ABCB4: variants seen among roughly 807,000 people sequenced by gnomAD.
The protein encoded by ABCB4 is ATP binding cassette subfamily B member 4.
ABCB4 carries 76 observed loss-of-function variants against 145.7 expected under a neutral mutation model. That is an observed-to-expected ratio of 0.52 (90% CI 0.43 to 0.63). The LOEUF is 0.63. ABCB4 is among the 30% of genes least tolerant of loss of function. The pLI, the probability that ABCB4 is intolerant of heterozygous loss-of-function variation, is 0.00. For missense variants in ABCB4, 1,234 were observed against 1,553.1 expected, an observed-to-expected ratio of 0.79 and a Z score of 3.45; for synonymous variants, 517 against 566.8, an observed-to-expected ratio of 0.91 and a Z score of 1.25.
intron 26 of ABCB4, among the ~76,000 whole-genome samples, chr7:87,404,718 A>G (rs973095653): frequency 6.6e-6 from 1 of 152,246 alleles, no homozygotes; most frequent in Admixed American, 6.5e-5. Context: ...CAACATGGAG[A>G]CATTTCACCA....
At chr7:87,465,554 G>T (rs1445704256) in intron 3 of ABCB4, among the ~76,000 whole-genome samples, 1 of 152,128 alleles carries the variant, frequency 6.6e-6, no homozygotes, top group Non-Finnish European at 1.5e-5. Flanking sequence ...AGAGAGTAGT[G>T]GTTCTCCCAG....
the ABCB4 span, among the ~76,000 whole-genome samples, chr7:87,379,851 T>A: frequency 6.6e-6 from 1 of 152,148 alleles, no homozygotes; most frequent in African/African-American, 2.4e-5. Context: ...TGGGAGCTCA[T>A]GCCTATAATC....
chr7:87,426,030 A>G (rs1473926043), intron 16 of ABCB4, among the ~76,000 whole-genome samples: 1 of 152,158 alleles, frequency 6.6e-6, no homozygotes, highest in Non-Finnish European at 1.5e-5. Context: ...ATACAGCAAA[A>G]AAAAAAAATT....
At chr7:87,390,700 T>TC in the ABCB4 span, among the ~76,000 whole-genome samples, 1 of 152,192 alleles carries the variant, frequency 6.6e-6, no homozygotes, top group African/African-American at 2.4e-5. Flanking sequence ...AAAACAGATA[T>TC]CACCCTGGGG....
chr7:87,441,413 A>T (rs1810979018), intron 12 of ABCB4, among the ~76,000 whole-genome samples: 2 of 151,480 alleles, frequency 1.3e-5, no homozygotes, highest in South Asian at 2.1e-4. Context: ...ACATTTATAA[A>T]GTTGACCATT....
chr7:87,413,886 A>G (rs570956576), intron 21 of ABCB4, among the ~76,000 whole-genome samples, 169 bp from the exon 22 acceptor site: 3 of 152,370 alleles, frequency 2.0e-5, no homozygotes, highest in Admixed American at 6.5e-5. Flanking sequence ...GCTTTATGAC[A>G]AAACTGGTAC....
chr7:87,389,705 G>A, the ABCB4 span, among the ~76,000 whole-genome samples: 2 of 152,138 alleles, frequency 1.3e-5, no homozygotes, highest in African/African-American at 2.4e-5. Context: ...AAACCATCAT[G>A]GCACATGTAT....
chr7:87,376,933 A>G, the ABCB4 span, among the ~76,000 whole-genome samples: 1 of 152,158 alleles, frequency 6.6e-6, no homozygotes, highest in Admixed American at 6.5e-5. Context: ...TTAATAGGCC[A>G]AAGTATACAG....
intron 12 of ABCB4, among the ~76,000 whole-genome samples, chr7:87,442,707 A>T (rs1811068740): frequency 6.6e-6 from 1 of 152,150 alleles, no homozygotes; most frequent in Non-Finnish European, 1.5e-5. Context: ...GTCAAAATAT[A>T]AACAATCTAA....
chr7:87,407,201 T>C (rs1054302344), intron 25 of ABCB4, among the ~76,000 whole-genome samples: 1 of 152,176 alleles, frequency 6.6e-6, no homozygotes, highest in Non-Finnish European at 1.5e-5. Flanking sequence ...GGCAAAGGAA[T>C]AGACACAAGT....
chr7:87,443,281 A>G, intron 12 of ABCB4, 38 bp downstream of exon 12: 1 of 1,613,458 alleles, frequency 6.2e-7, no homozygotes, highest in Non-Finnish European at 8.5e-7. Flanking sequence ...ATTTGTATCC[A>G]GCTTCCCACT....
intron 4 of ABCB4, among the ~76,000 whole-genome samples, chr7:87,458,471 T>A (rs1275565168): frequency 6.6e-6 from 1 of 152,178 alleles, no homozygotes; most frequent in African/African-American, 2.4e-5. Flanking sequence ...AGTCTGGTTG[T>A]CCAAGCATCC....
intron 4 of ABCB4, among the ~76,000 whole-genome samples, chr7:87,460,909 AT>A (rs936951396): frequency 6.6e-6 from 1 of 151,634 alleles, no homozygotes; most frequent in Non-Finnish European, 1.5e-5. Flanking sequence ...AGATCTGTAG[AT>A]TTTCTAGGAA....
At chr7:87,370,477 C>T in the ABCB4 span, among the ~76,000 whole-genome samples, 1 of 152,136 alleles carries the variant, frequency 6.6e-6, no homozygotes, top group Admixed American at 6.5e-5. Flanking sequence ...GCCACCACAC[C>T]CAGCCAAATA....
At chr7:87,405,299 T>G (rs749821209) in intron 26 of ABCB4, among the ~76,000 whole-genome samples, 23 of 152,100 alleles carry the variant, frequency 1.5e-4, no homozygotes, top group Non-Finnish European at 3.1e-4. Context: ...AAATATAAAA[T>G]TATACAAACG....
At chr7:87,379,431 G>C in the ABCB4 span, among the ~76,000 whole-genome samples, 2 of 152,138 alleles carry the variant, frequency 1.3e-5, no homozygotes, top group African/African-American at 4.8e-5. Flanking sequence ...ATAAGAGTAA[G>C]TCAATCTCAT....
intron 10 of ABCB4, 140 bp downstream of exon 10, chr7:87,444,722 A>T (rs914908537): frequency 3.2e-5 from 20 of 625,678 alleles, no homozygotes; most frequent in Non-Finnish European, 8.4e-6. Context: ...CTAACAGGTC[A>T]TTCATTTCAT....
chr7:87,405,162 C>T (rs1808090908), intron 26 of ABCB4, among the ~76,000 whole-genome samples: 1 of 152,200 alleles, frequency 6.6e-6, no homozygotes, highest in South Asian at 2.1e-4. Context: ...TACATCCACA[C>T]TGTGGAATAT....
At position 87,475,452 on chromosome 7, in the gene ABCB4, G is replaced by T; in HGVS notation, c.14C>A (p.Ala5Glu). Residue 5 changes from alanine to glutamate, a missense_variant, in exon 2 of 28, where the codon GCG becomes GAG. Physicochemically the swap from Ala to Glu is moderately radical, Grantham distance 107. Coordinates refer to ENST00000649586, the MANE Select transcript of ABCB4 (RefSeq NM_000443.4). MDLE[A>E]AKNGTAWRPT... The stretch of plus-strand genomic sequence containing the variant: ...GCGCCAGGCTGTTCCGTTCTTTGCC[G>T]CCTCAAGATCCATCTCAGCCTGAGG... 1.2e-6 allele frequency: 2 copies of T among 1,614,148 alleles called. No individual in the cohort carries two copies. Among genetic ancestry groups the T allele is most frequent in the Non-Finnish European group, 1.7e-6 (2 of 1,180,016 alleles).
Sources: allele counts gnomAD v4.1 joint callset (sites outside exome capture counted in the v4.1 genomes callset), GRCh38; gene constraint gnomAD v4.1.1; transcripts MANE v1.5; gene names NCBI Gene and HGNC (gene_info 2026-07-23, HGNC 2026-07-21).